The following MLIP variants were observed in gnomAD, a reference collection of about 807,000 sequenced individuals.
The protein encoded by MLIP is muscular LMNA-interacting protein.
MLIP carries 79 observed loss-of-function variants against 84.8 expected under a neutral mutation model. That is an observed-to-expected ratio of 0.93 (90% CI 0.78 to 1.12). The LOEUF (loss-of-function observed/expected upper bound fraction) is 1.12, where lower values mean the gene tolerates loss of function less well. Among genes scored for constraint, MLIP ranks in the 50% most tolerant of loss-of-function variants. The probability of loss-of-function intolerance (pLI) is 0.00; values close to 1 mark genes in which losing one functional copy is unlikely to be tolerated. For synonymous variants in MLIP, 504 were observed against 463.0 expected, an observed-to-expected ratio of 1.09 and a Z score of -1.14; for missense variants, 1,257 against 1,160.6, an observed-to-expected ratio of 1.08 and a Z score of -1.21.
chr6:54,246,659 T>C (rs1649174457), intron 12 of MLIP, among the ~76,000 whole-genome samples: 1 of 152,184 alleles, frequency 6.6e-6, no homozygotes, highest in Admixed American at 6.6e-5. Context: ...ACTTATCTGT[T>C]ATTTCTGCTT....
chr6:54,206,021 A>G (rs529703927), intron 11 of MLIP, among the ~76,000 whole-genome samples: 39 of 152,298 alleles, frequency 2.6e-4, no homozygotes, highest in Admixed American at 6.5e-4. Context: ...ATAATTAGCA[A>G]AATTCATTGG....
In MLIP at chr6:54,213,734, A is replaced by AAAAAAAAAAAAAAACAAAAAAC. The variant is rs368508685; in HGVS notation, c.2718+11503_2718+11504insAAAAAAAAAAAACAAAAAACAA. Among the ~76,000 whole-genome samples, 6 of 82,364 alleles carry AAAAAAAAAAAAAAACAAAAAAC rather than the reference A, an allele frequency of 7.3e-5. 1 individual carries two copies. The highest frequency in any genetic ancestry group is 1.5e-4 in the Admixed American group (1 of 6,852). The allele number at this position is 82,364 out of a possible 152,430, so 54.0% of individuals were successfully genotyped here. ...AAAAAAAAAAAAAAAAAAAAAAAAAAAACAACAAACAGCATATCTTGTATG... is the reference window on the plus strand; with the variant it reads ...AAAAAAAAAAAAAAAAAAAAAAAAAAAAAAAAAAAAAAAACAAAAAACAACAACAAACAGCATATCTTGTATG... On this transcript the variant is annotated intron_variant, in intron 11 of 13. Coordinates refer to ENST00000502396, the MANE Select transcript of MLIP (RefSeq NM_001281747.2).
chr6:54,146,233 C>G (rs1772819326), intron 4 of MLIP, among the ~76,000 whole-genome samples: 1 of 152,144 alleles, frequency 6.6e-6, no homozygotes, highest in Non-Finnish European at 1.5e-5. Flanking sequence ...TATTTTTAAA[C>G]TCTCCACAAA....
chr6:54,083,325 C>G, intron 1 of MLIP: 2 of 662,470 alleles, frequency 3.0e-6, no homozygotes, highest in East Asian at 6.7e-5. Context: ...TAGAACACTG[C>G]TAAGGTCAAG....
chr6:54,215,256 C>A, intron 11 of MLIP: 2 of 1,496,456 alleles, frequency 1.3e-6, no homozygotes, highest in South Asian at 2.6e-5. Context: ...GACTTTCCTA[C>A]TTCCTGAAAA....
chr6:54,071,899 G>T (rs945263390), intron 1 of MLIP, among the ~76,000 whole-genome samples: 1 of 152,126 alleles, frequency 6.6e-6, no homozygotes, highest in Non-Finnish European at 1.5e-5. Context: ...GTAGTTCTTT[G>T]GTGCCTATTG....
At chr6:54,061,920 T>C (rs1417546918) in intron 1 of MLIP, among the ~76,000 whole-genome samples, 4 of 152,210 alleles carry the variant, frequency 2.6e-5, no homozygotes, top group Non-Finnish European at 4.4e-5. Flanking sequence ...ATCCCATTAC[T>C]TTCTCAAGTT....
chr6:54,027,096 A>C (rs185626018), intron 1 of MLIP, among the ~76,000 whole-genome samples: 127 of 152,312 alleles, frequency 8.3e-4, no homozygotes, highest in Middle Eastern at 3.4e-3. Flanking sequence ...GATCAAATGT[A>C]AAACAGAAGT....
chr6:54,242,842 C>A (rs904416665), intron 12 of MLIP, among the ~76,000 whole-genome samples: 8 of 152,014 alleles, frequency 5.3e-5, no homozygotes, highest in African/African-American at 1.9e-4. Context: ...TTACCAAAAC[C>A]TTGACTAATT....
chr6:54,145,731 G>C (rs959493946), intron 4 of MLIP, among the ~76,000 whole-genome samples: 1 of 151,446 alleles, frequency 6.6e-6, no homozygotes. Flanking sequence ...AGTTGTGATC[G>C]CACCATGGCT....
intron 9 of MLIP, among the ~76,000 whole-genome samples, chr6:54,180,267 G>A (rs914270069): frequency 2.6e-5 from 4 of 151,826 alleles, no homozygotes; most frequent in African/African-American, 7.3e-5. Context: ...CTTTACTTTT[G>A]GGAACTTGAT....
Position 54,202,162 on chromosome 6 carries a change from G to C in MLIP, c.2647G>C (p.Glu883Gln). 6.2e-7 allele frequency: 1 copy of C among 1,603,188 alleles called. No individual in the cohort carries two copies. The highest frequency in any genetic ancestry group is 1.1e-5 in the South Asian group (1 of 89,330). ...AAAATCCAGAATATTACTGAAAAAA[G>C]AGGAGGAAGTCTATGAACCCAACCC... ...PVKSRILLKK[E>Q]EEVYEPNPFS... Residue 883 changes from glutamate to glutamine, a missense_variant, in exon 11 of 14, where the codon GAG becomes CAG. Transcript: ENST00000502396.
chr6:54,229,945 T>A (rs1383156269), intron 11 of MLIP, among the ~76,000 whole-genome samples: 1 of 152,236 alleles, frequency 6.6e-6, no homozygotes, highest in Non-Finnish European at 1.5e-5. Context: ...CCTCAAGACT[T>A]CTTACTGTTT....
At chr6:54,202,446 T>C (rs1049260795) in intron 11 of MLIP, among the ~76,000 whole-genome samples, 1 of 151,200 alleles carries the variant, frequency 6.6e-6, no homozygotes, top group South Asian at 2.1e-4. Flanking sequence ...TCAAGAATAA[T>C]ATTTTGAAGC....
upstream of MLIP, among the ~76,000 whole-genome samples, chr6:54,109,672 T>C (rs1038230615): frequency 1.9e-4 from 29 of 152,080 alleles, no homozygotes; most frequent in Admixed American, 1.0e-3. Flanking sequence ...TCCAGGTGGC[T>C]GTAACATCGT....
intron 1 of MLIP, among the ~76,000 whole-genome samples, chr6:54,102,383 G>A (rs985440864): frequency 2.0e-5 from 3 of 152,132 alleles, no homozygotes; most frequent in Non-Finnish European, 4.4e-5. Flanking sequence ...TAGCCATGGT[G>A]ACAGACTATG....
rs914896573 is a variant in MLIP, at chr6:54,217,938, G to T, written c.2719-12776G>T. Reference sequence around the variant, plus strand: ...TTAGGTACCAACCTCAAGATAATTCGCTGGGGTGGAAGTAGGGCACAAGTT... The same window carrying T: ...TTAGGTACCAACCTCAAGATAATTCTCTGGGGTGGAAGTAGGGCACAAGTT... On this transcript the variant is annotated intron_variant, in intron 11 of 13. Transcript: ENST00000502396. 6.1e-6 allele frequency: 6 copies of T among 985,242 alleles called. No homozygotes were observed. In the African/African-American group the frequency reaches 1.0e-4, roughly 17 times the overall value. 61.0% of individuals were successfully genotyped at this position (985,242 alleles called of 1,614,324 possible). A position where few individuals can be genotyped will look rare whatever the true frequency, so the allele number is the denominator to read the frequency against.
chr6:54,137,995 T>G lies in MLIP; in HGVS notation c.1926T>G (p.Pro642=), dbSNP rs1417289808. ...SGQELNPSAL[P]SLPVSSADFA... The stretch of plus-strand genomic sequence containing the variant: ...AGGAGCTGAATCCTTCAGCTCTTCC[T>G]TCACTCCCTGTCTCCAGTGCTGACT... The change falls in exon 4 of 14, where the codon CCT becomes CCG. Residue 642 remains proline (P), a synonymous_variant. Transcript: ENST00000502396. The G allele has an allele frequency of 6.5e-7, 1 of 1,536,132 alleles. No individual in the cohort carries two copies. The highest frequency in any genetic ancestry group is 2.0e-5 in the Admixed American group (1 of 50,998).
intron 5 of MLIP, among the ~76,000 whole-genome samples, chr6:54,157,369 C>G (rs1774140002): frequency 6.6e-6 from 1 of 152,096 alleles, no homozygotes; most frequent in Admixed American, 6.6e-5. Flanking sequence ...TCACTCTGCT[C>G]CTGCAGATAA....
Sources: gnomAD v4.1 joint callset for allele counts (sites outside exome capture counted in the v4.1 genomes callset) on GRCh38, gnomAD v4.1.1 for gene constraint, MANE v1.5 for transcripts, NCBI Gene and HGNC (gene_info 2026-07-23, HGNC 2026-07-21) for gene names.